Variants in RASL11B observed in about 807,000 individuals in gnomAD.
The protein encoded by RASL11B is RAS like family 11 member B, also known as ras-like protein family member 11B.
In RASL11B, 14 loss-of-function variants were observed where a neutral mutation model predicts 22.9. The observed-to-expected ratio is 0.61, with a 90% CI of 0.40 to 0.96. RASL11B has a LOEUF of 0.96. RASL11B is among the 40% of genes least tolerant of loss of function. The pLI, the probability that RASL11B is intolerant of heterozygous loss-of-function variation, is 0.00. For missense variants in RASL11B, 261 were observed against 322.0 expected, an observed-to-expected ratio of 0.81 and a Z score of 1.45; for synonymous variants, 143 against 130.2, an observed-to-expected ratio of 1.10 and a Z score of -0.67.
Position 52,865,428 on chromosome 4 carries a change from A to G in RASL11B, c.370A>G (p.Lys124Glu), listed in dbSNP as rs1476351865. ...GATCGTTTTCTCCATCACTGACTAC[A>G]AGAGCTATGAACTCATCAGCCAGCT... Reference protein sequence around the residue: ...VVIVFSITDYKSYELISQLHQ... With the variant: ...VVIVFSITDYESYELISQLHQ... The change falls in exon 4 of 4, where the codon AAG (lysine) becomes GAG (glutamate). Residue 124 changes from lysine (K) to glutamate (E), a missense_variant. Coordinates refer to ENST00000248706, the MANE Select transcript of RASL11B (RefSeq NM_023940.3). 6.2e-7 allele frequency: 1 copy of G among 1,614,178 alleles called. No individual in the cohort carries two copies. Among genetic ancestry groups the G allele is most frequent in the South Asian group, 1.1e-5 (1 of 91,084 alleles).
chr4:52,862,421 A>C lies in RASL11B; in HGVS notation c.-87A>C, dbSNP rs1718174207. 4 of 1,204,812 alleles carry C rather than the reference A, an allele frequency of 3.3e-6. No individual in the cohort carries two copies. In the East Asian group the frequency reaches 1.1e-4, roughly 33 times the overall value. The allele number at this position is 1,204,812 out of a possible 1,614,324, so 74.6% of individuals were successfully genotyped here. ...GTTATTTCTTACCGCGGAGCCCCGC[A>C]GTCGGGTCCTCCCGCCCGCTCCCGC... On this transcript the variant is annotated 5_prime_UTR_variant, in exon 1 of 4. Coordinates refer to ENST00000248706, the MANE Select transcript of RASL11B (RefSeq NM_023940.3).
Position 52,865,485 on chromosome 4 carries a change from A to G in RASL11B, c.427A>G (p.Thr143Ala). ...GCACGTGCAGCAGCTACACCTGGGC[A>G]CCCGGCTGCCTGTGGTGGTCGTGGC... Reference protein sequence around the residue: ...HQHVQQLHLGTRLPVVVVANK... With the variant: ...HQHVQQLHLGARLPVVVVANK... The change falls in exon 4 of 4, where the codon ACC becomes GCC. Residue 143 changes from threonine (T) to alanine (A), a missense_variant. Thr to Ala is a moderately conservative substitution (Grantham distance 58). Coordinates refer to ENST00000248706, the MANE Select transcript of RASL11B (RefSeq NM_023940.3). The G allele has an allele frequency of 6.2e-7, 1 of 1,614,202 alleles. No individual in the cohort carries two copies. Among genetic ancestry groups the G allele is most frequent in the Non-Finnish European group, 8.5e-7 (1 of 1,180,040 alleles).
chr4:52,863,634 C>G (rs1560463581), intron 2 of RASL11B: 3 of 296,606 alleles, frequency 1.0e-5, no homozygotes, highest in Non-Finnish European at 1.9e-5. Context: ...CAAAACACTC[C>G]TGCAAAAGTC....
In RASL11B at chr4:52,865,403, G is replaced by C. The variant is rs192878267; in HGVS notation, c.345G>C (p.Val115=). 7 of 1,614,176 alleles carry C rather than the reference G, an allele frequency of 4.3e-6. No homozygotes were observed. The African/African-American group carries it at 9.3e-5, about 22-fold the overall frequency. The change falls in exon 4 of 4, where the codon GTG becomes GTC. Residue 115 remains valine (V), a synonymous_variant. Transcript: ENST00000248706. ...GCATTCGCTGGGCAGATGCTGTGGT[G>C]ATCGTTTTCTCCATCACTGACTACA... ...NRCIRWADAV[V]IVFSITDYKS...
intron 1 of RASL11B, among the ~76,000 whole-genome samples, chr4:52,862,964 C>G (rs1435997619): frequency 2.6e-5 from 4 of 152,110 alleles, no homozygotes; most frequent in Non-Finnish European, 5.9e-5. Flanking sequence ...AGCTAGCCCC[C>G]CTGGGAGGTC....
chr4:52,862,639 G>T lies in RASL11B; in HGVS notation c.132G>T (p.Val44=). 1 of 1,572,960 alleles carries T rather than the reference G, an allele frequency of 6.4e-7. No individual in the cohort carries two copies. The change falls in exon 1 of 4, where the codon GTG becomes GTT. Residue 44 remains valine (V), a synonymous_variant. Transcript: ENST00000248706. ...TCGCCGTGGTGGGCGCCAGCGGCGT[G>T]GGCAAGACCGGTGAGTCGTCGCGCT... The part of the protein sequence containing the change: ...VKIAVVGASG[V]GKTALVVRFL...
At position 52,862,574 on chromosome 4, in the gene RASL11B, G is replaced by A; in HGVS notation, c.67G>A (p.Asp23Asn). The change falls in exon 1 of 4, where the codon GAC becomes AAC. Residue 23 changes from aspartate (D) to asparagine (N), a missense_variant. By Grantham distance (23) the Asp-to-Asn change is conservative. Transcript: ENST00000248706. Reference sequence around the variant, plus strand: ...CGCGCCGGGCAACGCCGCGGCCTCCGACTGCTGTGTGGGCGCCGCCGGCCG... The same window carrying A: ...CGCGCCGGGCAACGCCGCGGCCTCCAACTGCTGTGTGGGCGCCGCCGGCCG... ...YPAPGNAAASDCCVGAAGRRL... is the reference protein window; with the variant it reads ...YPAPGNAAASNCCVGAAGRRL... 7 of 1,603,800 alleles carry A rather than the reference G, an allele frequency of 4.4e-6. No homozygotes were observed. Among genetic ancestry groups the A allele is most frequent in the South Asian group, 1.1e-5 (1 of 90,586 alleles).
Position 52,862,480 on chromosome 4 carries a change from T to G in RASL11B, c.-28T>G. ...AGCATTCTCCAGTCCCTCAGTCCCTTCCCGCGCGGTGCGCCGCAGCCGAGG... is the reference window on the plus strand; with the variant it reads ...AGCATTCTCCAGTCCCTCAGTCCCTGCCCGCGCGGTGCGCCGCAGCCGAGG... On this transcript the variant is annotated 5_prime_UTR_variant, in exon 1 of 4. Transcript: ENST00000248706. The G allele has an allele frequency of 6.3e-7, 1 of 1,599,082 alleles. No individual in the cohort carries two copies.
In RASL11B at chr4:52,862,418, C is replaced by T. The variant is rs916981211; in HGVS notation, c.-90C>T. 1.7e-5 allele frequency: 24 copies of T among 1,372,490 alleles called. No individual in the cohort carries two copies. The highest frequency in any genetic ancestry group is 2.4e-4 in the Middle Eastern group (1 of 4,204). 85.0% of individuals were successfully genotyped at this position (1,372,490 alleles called of 1,614,324 possible). ...GTTGTTATTTCTTACCGCGGAGCCC[C>T]GCAGTCGGGTCCTCCCGCCCGCTCC... On this transcript the variant is annotated 5_prime_UTR_variant, in exon 1 of 4. Coordinates refer to ENST00000248706, the MANE Select transcript of RASL11B (RefSeq NM_023940.3).
chr4:52,864,374 G>C, intron 2 of RASL11B, 104 bp from the exon 3 acceptor site: 1 of 674,544 alleles, frequency 1.5e-6, no homozygotes, highest in South Asian at 2.1e-5. Context: ...TCGCTGTTTT[G>C]TGTGCATTTA....
At chr4:52,863,090 C>G (rs1577782492) in intron 1 of RASL11B, among the ~76,000 whole-genome samples, 178 bp from the exon 2 acceptor site, 1 of 152,106 alleles carries the variant, frequency 6.6e-6, no homozygotes, top group East Asian at 1.9e-4. Flanking sequence ...ATTCACGATG[C>G]CTTCTAGCCC....
intron 1 of RASL11B, 152 bp from the exon 2 acceptor site, chr4:52,863,116 G>A (rs768719705): frequency 8.6e-6 from 6 of 695,126 alleles, no homozygotes; most frequent in Non-Finnish European, 1.5e-5. Context: ...TTTTTGTCTG[G>A]AAAGAAGGGT....
chr4:52,865,708 C>T lies in RASL11B; in HGVS notation c.650C>T (p.Ser217Phe). 6.2e-7 allele frequency: 1 copy of T among 1,614,096 alleles called. No homozygotes were observed. Among genetic ancestry groups the T allele is most frequent in the Non-Finnish European group, 8.5e-7 (1 of 1,180,022 alleles). ...PSSTPEKRRT[S>F]LIPRPKSPNM... ...AGTACACCCGAGAAGCGAAGAACCT[C>T]CCTCATTCCCAGGCCCAAGTCACCC... Residue 217 changes from serine (S) to phenylalanine (F), a missense_variant, in exon 4 of 4, where the codon TCC becomes TTC. Coordinates refer to ENST00000248706, the MANE Select transcript of RASL11B (RefSeq NM_023940.3).
At position 52,865,631 on chromosome 4, in the gene RASL11B, C is replaced by T; in HGVS notation, c.573C>T (p.Tyr191=). 1.2e-6 allele frequency: 2 copies of T among 1,614,180 alleles called. No individual in the cohort carries two copies. The highest frequency in any genetic ancestry group is 1.7e-6 in the Non-Finnish European group (2 of 1,180,034). Residue 191 remains tyrosine, a synonymous_variant, in exon 4 of 4, where the codon TAC becomes TAT. Transcript: ENST00000248706. ...VSVSENYNDV[Y]SAFHVLCKEV... ...TCAGTGAAAATTATAATGATGTCTA[C>T]AGCGCCTTCCACGTCCTCTGTAAAG...
chr4:52,866,127 A>G lies in RASL11B; in HGVS notation c.*322A>G. 1 of 332,930 alleles carries G rather than the reference A, an allele frequency of 3.0e-6. No individual in the cohort carries two copies. Among genetic ancestry groups the G allele is most frequent in the Non-Finnish European group, 5.5e-6 (1 of 180,718 alleles). The allele number at this position is 332,930 out of a possible 1,614,324, so 20.6% of individuals were successfully genotyped here. A position where few individuals can be genotyped will look rare whatever the true frequency, so the allele number is the denominator to read the frequency against. On this transcript the variant is annotated 3_prime_UTR_variant, in exon 4 of 4. Transcript: ENST00000248706. The stretch of plus-strand genomic sequence containing the variant: ...TACCTTGTAAATGGTGGTCCGTTGC[A>G]GTTTCACCAAATGTATTGATGTGAT...
At chr4:52,863,393 T>G in intron 2 of RASL11B, 69 bp downstream of exon 2, 12 of 1,293,470 alleles carry the variant, frequency 9.3e-6, no homozygotes, top group Non-Finnish European at 1.3e-5. Context: ...TTTCCAGCGC[T>G]TCCCAGGGAG....
At chr4:52,865,299 G>A (rs754928067) in intron 3 of RASL11B, 36 bp from the exon 4 acceptor site, 3 of 1,540,822 alleles carry the variant, frequency 1.9e-6, no homozygotes, top group Non-Finnish European at 2.7e-6. Context: ...TGTACAACTG[G>A]CCAGCATTCA....
Position 52,865,458 on chromosome 4 carries a change from C to G in RASL11B, c.400C>G (p.Gln134Glu). ...KSYELISQLH[Q>E]HVQQLHLGTR... ...CTATGAACTCATCAGCCAGCTCCAC[C>G]AGCACGTGCAGCAGCTACACCTGGG... The change falls in exon 4 of 4, where the codon CAG (glutamine) becomes GAG (glutamate). Residue 134 changes from glutamine (Q) to glutamate (E), a missense_variant. Gln to Glu is a conservative substitution (Grantham distance 29). Transcript: ENST00000248706. The G allele has an allele frequency of 1.2e-6, 2 of 1,614,202 alleles. No homozygotes were observed. The highest frequency in any genetic ancestry group is 2.2e-5 in the East Asian group (1 of 44,880).
At chr4:52,863,162 C>G in intron 1 of RASL11B, 106 bp from the exon 2 acceptor site, 3 of 931,058 alleles carry the variant, frequency 3.2e-6, no homozygotes, top group Non-Finnish European at 5.2e-6. Context: ...ACTTGGTGGC[C>G]ATCTATGGCT....
Sources: allele counts gnomAD v4.1 joint callset (sites outside exome capture counted in the v4.1 genomes callset), GRCh38; gene constraint gnomAD v4.1.1; transcripts MANE v1.5; gene names NCBI Gene and HGNC (gene_info 2026-07-23, HGNC 2026-07-21).